Variants in DCAF7 observed in about 807,000 individuals in gnomAD.
The protein encoded by DCAF7 is DDB1- and CUL4-associated factor 7.
In DCAF7, 4 loss-of-function variants were observed where a neutral mutation model predicts 41.2. That is an observed-to-expected ratio of 0.10 (90% CI 0.05 to 0.22). DCAF7 has a LOEUF of 0.22. DCAF7 is among the 10% of genes least tolerant of loss of function. The pLI is 1.00. For synonymous variants in DCAF7, 143 were observed against 164.2 expected (o/e 0.87, Z 0.99); for missense variants, 131 against 443.2 (o/e 0.30, Z 6.32).
At chr17:63,576,961 C>CA (rs1310484675) in intron 1 of DCAF7, among the ~76,000 whole-genome samples, 1 of 152,210 alleles carries the variant, frequency 6.6e-6, no homozygotes, top group Non-Finnish European at 1.5e-5. Context: ...CAATATTATT[C>CA]AGCAGTAAGA....
At chr17:63,570,658 A>G (rs1002284810) in intron 1 of DCAF7, among the ~76,000 whole-genome samples, 8 of 152,170 alleles carry the variant, frequency 5.3e-5, no homozygotes, top group Non-Finnish European at 1.2e-4. Flanking sequence ...ATAGAGCACT[A>G]TAACTTACTA....
At chr17:63,555,814 T>G (rs2033304895) in intron 1 of DCAF7, among the ~76,000 whole-genome samples, 1 of 152,242 alleles carries the variant, frequency 6.6e-6, no homozygotes, top group African/African-American at 2.4e-5. Context: ...ACTTTATTGC[T>G]TTTTGTCCTA....
At chr17:63,568,920 C>A (rs1401159513) in intron 1 of DCAF7, among the ~76,000 whole-genome samples, 1 of 152,224 alleles carries the variant, frequency 6.6e-6, no homozygotes, top group Non-Finnish European at 1.5e-5. Flanking sequence ...GCCTTCCAGG[C>A]TAAAACTAGA....
intron 1 of DCAF7, among the ~76,000 whole-genome samples, chr17:63,553,937 C>T (rs1051195983): frequency 2.0e-5 from 3 of 152,164 alleles, no homozygotes; most frequent in Admixed American, 1.3e-4. Context: ...GGCGTGGTGG[C>T]TCACACCTGT....
chr17:63,575,235 G>A (rs181376388), intron 1 of DCAF7, among the ~76,000 whole-genome samples: 1 of 152,350 alleles, frequency 6.6e-6, no homozygotes, highest in African/African-American at 2.4e-5. Flanking sequence ...GGAGGCTGAG[G>A]CAGGAGAATT....
At chr17:63,555,755 C>T (rs1226389921) in intron 1 of DCAF7, among the ~76,000 whole-genome samples, 1 of 152,066 alleles carries the variant, frequency 6.6e-6, no homozygotes, top group Non-Finnish European at 1.5e-5. Context: ...GGACTCATTC[C>T]CTGTTGTGAC....
At chr17:63,578,153 C>T (rs186694036) in intron 1 of DCAF7, among the ~76,000 whole-genome samples, 87 of 152,212 alleles carry the variant, frequency 5.7e-4, no homozygotes, top group African/African-American at 2.1e-3. Context: ...CAGTTGAGCC[C>T]AGGAGTTCAA....
chr17:63,556,911 C>G (rs915810906), intron 1 of DCAF7, among the ~76,000 whole-genome samples: 1 of 152,072 alleles, frequency 6.6e-6, no homozygotes, highest in African/African-American at 2.4e-5. Flanking sequence ...ACCTGTAGTC[C>G]CAGCTACTCA....
At chr17:63,583,852 G>C in intron 5 of DCAF7, 141 bp downstream of exon 5, 2 of 847,190 alleles carry the variant, frequency 2.4e-6, no homozygotes, top group Non-Finnish European at 3.8e-6. Context: ...GATTGTCACA[G>C]CTCTAGAGAC....
chr17:63,569,522 C>G (rs1236381971), intron 1 of DCAF7, among the ~76,000 whole-genome samples: 2 of 152,190 alleles, frequency 1.3e-5, no homozygotes, highest in African/African-American at 4.8e-5. Context: ...CGTGCACTCT[C>G]ACATAGCAGC....
At chr17:63,570,008 C>T (rs1426825146) in intron 1 of DCAF7, among the ~76,000 whole-genome samples, 2 of 152,018 alleles carry the variant, frequency 1.3e-5, no homozygotes, top group Admixed American at 6.5e-5. Context: ...CCACCACACC[C>T]GGTCTAGATG....
chr17:63,560,472 T>A (rs538530411), intron 1 of DCAF7, among the ~76,000 whole-genome samples: 15 of 152,314 alleles, frequency 9.8e-5, no homozygotes, highest in African/African-American at 3.6e-4. Context: ...TTTCATATAC[T>A]GATATGGAAT....
At position 63,593,611 on chromosome 17, in the gene DCAF7, T is replaced by G. The variant is rs556086725; in HGVS notation, c.*4439T>G. ...TTATGAACATGTGATATCTACTATT[T>G]AAAAGAAATGTTCTCACCTTGGGTT... On this transcript the variant is annotated 3_prime_UTR_variant, in exon 7 of 7. Transcript: ENST00000614556. 1 of 152,776 alleles carries G rather than the reference T, an allele frequency of 6.5e-6. No homozygotes were observed. The highest frequency in any genetic ancestry group is 6.5e-5 in the Admixed American group (1 of 15,302). 9.5% of individuals were successfully genotyped at this position (152,776 alleles called of 1,614,324 possible). A position where few individuals can be genotyped will look rare whatever the true frequency, so the allele number is the denominator to read the frequency against.
chr17:63,587,487 C>T (rs994497030), intron 6 of DCAF7, among the ~76,000 whole-genome samples: 1 of 152,166 alleles, frequency 6.6e-6, no homozygotes, highest in East Asian at 1.9e-4. Context: ...TTGTGTGTTG[C>T]ACCTGCCTTG....
At chr17:63,580,565 C>T (rs1055081136) in intron 4 of DCAF7, among the ~76,000 whole-genome samples, 2 of 122,370 alleles carry the variant, frequency 1.6e-5, no homozygotes, top group African/African-American at 3.2e-5. Context: ...GTTGCCCAGG[C>T]TGGAGTGCAA....
At chr17:63,554,209 A>G (rs556171765) in intron 1 of DCAF7, among the ~76,000 whole-genome samples, 1 of 152,334 alleles carries the variant, frequency 6.6e-6, no homozygotes, top group Non-Finnish European at 1.5e-5. Context: ...TGTCTCAAAA[A>G]ACAGCCTCAT....
At chr17:63,576,350 G>A (rs565720574) in intron 1 of DCAF7, among the ~76,000 whole-genome samples, 37 of 152,096 alleles carry the variant, frequency 2.4e-4, no homozygotes, top group Middle Eastern at 3.4e-3. Flanking sequence ...AGGCAGAGAG[G>A]TAGGAGAATT....
In DCAF7 at chr17:63,563,904, G is replaced by A. The variant is rs113398990; in HGVS notation, c.138+13089G>A. ...CAGTGTACAGCACTGGGGGAATCCC[G>A]GTACATAGATTAAAAAAATGATTTG... is the stretch of plus-strand genomic sequence containing the variant. On this transcript the variant is annotated intron_variant, in intron 1 of 6. Transcript: ENST00000614556. Among the ~76,000 whole-genome samples, 790 of 152,076 alleles carry A rather than the reference G, an allele frequency of 5.2e-3. 9 individuals are homozygous for A. Among genetic ancestry groups the A allele is most frequent in the African/African-American group, 0.018 (760 of 41,482 alleles).
intron 1 of DCAF7, among the ~76,000 whole-genome samples, chr17:63,566,263 C>T (rs933143597): frequency 4.0e-5 from 6 of 151,372 alleles, no homozygotes; most frequent in Admixed American, 6.6e-5. Context: ...CCCAGCTACT[C>T]GGGAGGCTGA....
Sources: gnomAD v4.1 joint callset for allele counts (sites outside exome capture counted in the v4.1 genomes callset) on GRCh38, gnomAD v4.1.1 for gene constraint, MANE v1.5 for transcripts, NCBI Gene and HGNC (gene_info 2026-07-23, HGNC 2026-07-21) for gene names.